The following JPH2 variants were observed in gnomAD, a reference collection of about 807,000 sequenced individuals.
The protein encoded by JPH2 is junctophilin-2.
Under a neutral mutation model 55.9 loss-of-function variants are expected in JPH2, and 38 were observed. That is an observed-to-expected ratio of 0.68 (90% CI 0.52 to 0.89). The LOEUF is 0.89. Ranked by LOEUF, JPH2 falls within the 40% of genes least tolerant of loss-of-function variation. The pLI is 0.00. For synonymous variants in JPH2, 480 were observed against 472.4 expected (o/e 1.02, Z -0.21); for missense variants, 964 against 1,037.6 (o/e 0.93, Z 0.97).
At chr20:44,122,252 A>C (rs1458820462) in intron 2 of JPH2, among the ~76,000 whole-genome samples, 1 of 152,182 alleles carries the variant, frequency 6.6e-6, no homozygotes, top group Admixed American at 6.5e-5. Flanking sequence ...AGGCGTGCAC[A>C]TATGTAGGGG....
Position 44,116,073 on chromosome 20 carries a change from G to C in JPH2, c.1602C>G (p.Ser534Arg). The C allele has an allele frequency of 6.5e-7, 1 of 1,535,584 alleles. No homozygotes were observed. The highest frequency in any genetic ancestry group is 8.7e-7 in the Non-Finnish European group (1 of 1,152,104). The change falls in exon 4 of 6, where the codon AGC (serine) becomes AGG (arginine). Residue 534 changes from serine to arginine, a missense_variant. Physicochemically the swap from Ser to Arg is moderately radical, Grantham distance 110. Coordinates refer to ENST00000372980, the MANE Select transcript of JPH2 (RefSeq NM_020433.5). Reference protein sequence around the residue: ...VTPSEGAGRRSPARPATERMA... With the variant: ...VTPSEGAGRRRPARPATERMA... ...TGCGCTCGGTGGCTGGACGCGCGGG[G>C]CTGCGGCGGCCCGCGCCCTCGGACG...
chr20:44,186,682 A>G lies in JPH2; in HGVS notation c.24T>C (p.Phe8=). Residue 8 remains phenylalanine, a synonymous_variant, in exon 1 of 6, where the codon TTT becomes TTC. Coordinates refer to ENST00000372980, the MANE Select transcript of JPH2 (RefSeq NM_020433.5). ...CCCCGCAGTACGCCCCTCCATCATC[A>G]AAGTCGAAGCGGCCCCCACTCATCT... MSGGRFD[F]DDGGAYCGGW... 6.3e-7 allele frequency: 1 copy of G among 1,588,322 alleles called. No individual in the cohort carries two copies. Among genetic ancestry groups the G allele is most frequent in the Non-Finnish European group, 8.5e-7 (1 of 1,176,304 alleles).
chr20:44,185,876 T>C (rs1430798549), intron 1 of JPH2, among the ~76,000 whole-genome samples: 1 of 150,720 alleles, frequency 6.6e-6, no homozygotes, highest in Non-Finnish European at 1.5e-5. Flanking sequence ...TGTGGATAGA[T>C]GATGAGTGGA....
chr20:44,107,011 C>A lies in JPH2; in HGVS notation c.*6507G>T, dbSNP rs903344164. Among the ~76,000 whole-genome samples, 1 of 152,176 alleles carries A rather than the reference C, an allele frequency of 6.6e-6. No individual in the cohort carries two copies. Among genetic ancestry groups the A allele is most frequent in the East Asian group, 1.9e-4 (1 of 5,200 alleles). ...GTCAGGCCTGCATCAAGTTAGACTT[C>A]TTCCTCTGCCCTGTTCTGCATTTTC... On this transcript the variant is annotated 3_prime_UTR_variant, in exon 6 of 6. Transcript: ENST00000372980.
At position 44,134,703 on chromosome 20, in the gene JPH2, T is replaced by TATA. The variant is rs1569195277; in HGVS notation, c.1170-16081_1170-16080insTAT. Among the ~76,000 whole-genome samples, 94 of 45,864 alleles carry TATA rather than the reference T, an allele frequency of 2.0e-3. 7 individuals carry two copies. Among genetic ancestry groups the TATA allele is most frequent in the African/African-American group, 5.8e-3 (56 of 9,690 alleles). 30.1% of individuals were successfully genotyped at this position (45,864 alleles called of 152,430 possible). ...ATAAATATTATAAATATATATACAT[T>TATA]AATATATATTATAAATATATATTTA... is the stretch of plus-strand genomic sequence containing the variant. On this transcript the variant is annotated intron_variant, in intron 2 of 5. Coordinates refer to ENST00000372980, the MANE Select transcript of JPH2 (RefSeq NM_020433.5).
chr20:44,176,310 C>T (rs2145893901), intron 1 of JPH2, among the ~76,000 whole-genome samples: 1 of 146,016 alleles, frequency 6.8e-6, no homozygotes, highest in South Asian at 2.2e-4. Context: ...GGGTCAGATC[C>T]TATCTGTCTT....
chr20:44,134,667 A>ATAAATATATATTTATTT (rs2072386820), intron 2 of JPH2, among the ~76,000 whole-genome samples: 2 of 28,394 alleles, frequency 7.0e-5, no homozygotes, highest in African/African-American at 2.9e-4. Flanking sequence ...AATATATATA[A>ATAAATATATATTTATTT]ATATATATTT....
chr20:44,116,093 C>T lies in JPH2; in HGVS notation c.1582G>A (p.Glu528Lys), dbSNP rs794729026. The change falls in exon 4 of 6, where the codon GAG (glutamate) becomes AAG (lysine). Residue 528 changes from glutamate (E) to lysine (K), a missense_variant. Glu to Lys is a moderately conservative substitution (Grantham distance 56). Coordinates refer to ENST00000372980, the MANE Select transcript of JPH2 (RefSeq NM_020433.5). ...GCGGGGCTGCGGCGGCCCGCGCCCT[C>T]GGACGGAGTGACTGACCGGCTGCCC... ...GEGSRSVTPS[E>K]GAGRRSPARP... 12 of 1,504,024 alleles carry T rather than the reference C, an allele frequency of 8.0e-6. No individual in the cohort carries two copies. Among genetic ancestry groups the T allele is most frequent in the African/African-American group, 1.4e-5 (1 of 69,446 alleles). 93.2% of individuals were successfully genotyped at this position (1,504,024 alleles called of 1,614,324 possible).
At chr20:44,166,395 G>A (rs528005833) in intron 1 of JPH2, among the ~76,000 whole-genome samples, 34 of 152,360 alleles carry the variant, frequency 2.2e-4, no homozygotes, top group African/African-American at 8.2e-4. Context: ...AGAGAGCAGA[G>A]AAGATGGTAA....
intron 1 of JPH2, among the ~76,000 whole-genome samples, chr20:44,182,937 T>C (rs554524613): frequency 5.1e-4 from 78 of 152,240 alleles, no homozygotes; most frequent in Non-Finnish European, 8.1e-4. Context: ...TTTAGACACA[T>C]TGGGAGATGG....
intron 2 of JPH2, among the ~76,000 whole-genome samples, chr20:44,135,883 T>C (rs1569196563): frequency 6.6e-6 from 1 of 152,218 alleles, no homozygotes; most frequent in Non-Finnish European, 1.5e-5. Flanking sequence ...ATTGTGATCG[T>C]TACTCTGTTA....
At chr20:44,151,461 G>A (rs892654974) in intron 2 of JPH2, among the ~76,000 whole-genome samples, 9 of 152,052 alleles carry the variant, frequency 5.9e-5, no homozygotes, top group African/African-American at 1.9e-4. Context: ...AGGTTGCAGC[G>A]AGCCGAGATC....
intron 2 of JPH2, among the ~76,000 whole-genome samples, chr20:44,121,252 CTCT>C: frequency 6.6e-6 from 1 of 152,140 alleles, no homozygotes; most frequent in South Asian, 2.1e-4. Context: ...TGTGCAAAGA[CTCT>C]GAGACTGAGG....
Position 44,187,125 on chromosome 20 carries a change from C to T in JPH2, c.-420G>A, listed in dbSNP as rs1341649925. The T allele has an allele frequency of 5.3e-6, 1 of 187,802 alleles. No individual in the cohort carries two copies. The highest frequency in any genetic ancestry group is 2.4e-5 in the African/African-American group (1 of 41,852). 11.6% of individuals were successfully genotyped at this position (187,802 alleles called of 1,614,324 possible). ...AATTCCCCTCGGTGGCAGCCCCCGC[C>T]GGAGGCTGAATTCCCGCAGCCCGCT... is the stretch of plus-strand genomic sequence containing the variant. On this transcript the variant is annotated 5_prime_UTR_variant, in exon 1 of 6. Transcript: ENST00000372980.
At chr20:44,176,936 C>G in intron 1 of JPH2, 1 of 985,482 alleles carries the variant, frequency 1.0e-6, no homozygotes, top group Non-Finnish European at 1.2e-6. Flanking sequence ...GACTCCAGCT[C>G]TACCCCATCC....
intron 2 of JPH2, among the ~76,000 whole-genome samples, chr20:44,154,088 T>C (rs1159998521): frequency 6.6e-6 from 1 of 152,198 alleles, no homozygotes; most frequent in East Asian, 1.9e-4. Flanking sequence ...TTTGTGGCTG[T>C]GAGTATATCT....
At chr20:44,123,359 T>G (rs1569185138) in intron 2 of JPH2, among the ~76,000 whole-genome samples, 1 of 152,130 alleles carries the variant, frequency 6.6e-6, no homozygotes. Context: ...CTGCCACTCC[T>G]CCTGCACCCC....
chr20:44,172,118 T>C (rs1407114654), intron 1 of JPH2, among the ~76,000 whole-genome samples: 2 of 152,178 alleles, frequency 1.3e-5, no homozygotes, highest in Non-Finnish European at 2.9e-5. Flanking sequence ...TCAACAAAGG[T>C]TGGCTCCTTT....
At chr20:44,174,121 C>G (rs4812791) in intron 1 of JPH2, among the ~76,000 whole-genome samples, 32 of 152,060 alleles carry the variant, frequency 2.1e-4, no homozygotes, top group African/African-American at 7.7e-4. Flanking sequence ...CAGTGTTGTG[C>G]GTGAGAAAAT....
Sources: allele counts gnomAD v4.1 joint callset (sites outside exome capture counted in the v4.1 genomes callset), GRCh38; gene constraint gnomAD v4.1.1; transcripts MANE v1.5; gene names NCBI Gene and HGNC (gene_info 2026-07-23, HGNC 2026-07-21).